CFDP1: variants seen among roughly 807,000 people sequenced by gnomAD.
CFDP1 encodes heterochromatin-stabilizing protein CFDP1.
CFDP1 carries 31 observed loss-of-function variants against 40.1 expected under a neutral mutation model. That is an observed-to-expected ratio of 0.77 (90% CI 0.58 to 1.04). CFDP1 has a LOEUF of 1.04. Ranked by LOEUF, CFDP1 falls within the 50% of genes least tolerant of loss-of-function variation. The probability of loss-of-function intolerance (pLI) is 0.00; values close to 1 mark genes in which losing one functional copy is unlikely to be tolerated. For missense variants in CFDP1, 423 were observed against 343.4 expected (o/e 1.23, Z -1.83); for synonymous variants, 167 against 120.0 (o/e 1.39, Z -2.56).
chr16:75,304,074 CTCTT>C (rs1469114920), intron 6 of CFDP1, among the ~76,000 whole-genome samples: 2 of 150,954 alleles, frequency 1.3e-5, no homozygotes, highest in East Asian at 3.9e-4. Context: ...CTCTCTCTCT[CTCTT>C]TCTTTCTTGA....
intron 5 of CFDP1, among the ~76,000 whole-genome samples, chr16:75,388,830 A>G (rs2078922199): frequency 6.6e-6 from 1 of 152,060 alleles, no homozygotes; most frequent in South Asian, 2.1e-4. Flanking sequence ...TCAGGATGGT[A>G]CTGTGAGGGA....
chr16:75,392,468 T>G (rs927606579), intron 5 of CFDP1, among the ~76,000 whole-genome samples: 1 of 152,116 alleles, frequency 6.6e-6, no homozygotes, highest in African/African-American at 2.4e-5. Context: ...AGCATATAAG[T>G]AACTGAAATA....
chr16:75,386,943 C>A (rs936235270), intron 5 of CFDP1, among the ~76,000 whole-genome samples: 1 of 152,210 alleles, frequency 6.6e-6, no homozygotes, highest in Non-Finnish European at 1.5e-5. Flanking sequence ...ATTGAAAATA[C>A]TCCAAATATT....
At chr16:75,431,100 T>C (rs1284977699) in intron 1 of CFDP1, among the ~76,000 whole-genome samples, 1 of 151,928 alleles carries the variant, frequency 6.6e-6, no homozygotes, top group Non-Finnish European at 1.5e-5. Context: ...GGAAAAGTAA[T>C]CTGTATAACA....
intron 6 of CFDP1, among the ~76,000 whole-genome samples, chr16:75,301,214 G>C (rs1231560974): frequency 6.6e-6 from 1 of 152,116 alleles, no homozygotes; most frequent in African/African-American, 2.4e-5. Context: ...ATATTAAAAT[G>C]TGTCTACTTT....
intron 6 of CFDP1, among the ~76,000 whole-genome samples, chr16:75,298,692 T>C (rs1165807310): frequency 6.6e-6 from 1 of 152,100 alleles, no homozygotes; most frequent in East Asian, 1.9e-4. Flanking sequence ...GTTTGCCCAA[T>C]AGTACACCTC....
rs1429995313 is a variant in CFDP1 at position 75,404,840 on chromosome 16, G to C, written c.530+6985C>G. Among the ~76,000 whole-genome samples, 4 of 152,148 alleles carry C rather than the reference G, an allele frequency of 2.6e-5. No homozygotes were observed. The East Asian group carries it at 7.7e-4, about 29-fold the overall frequency. ...AAGACCAATTATGGTTTTCATCTTA[G>C]ATTGGATCTTAGAGGTGGCTCCATA... On this transcript the variant is annotated intron_variant, in intron 4 of 6. Transcript: ENST00000283882.
At chr16:75,413,478 A>G (rs566756074) in intron 2 of CFDP1, among the ~76,000 whole-genome samples, 14 of 148,358 alleles carry the variant, frequency 9.4e-5, no homozygotes, top group Admixed American at 2.8e-4. Flanking sequence ...AACTGAACCC[A>G]GGAGGCGGAG....
At chr16:75,359,717 G>A (rs1445971830) in intron 5 of CFDP1, among the ~76,000 whole-genome samples, 4 of 152,118 alleles carry the variant, frequency 2.6e-5, no homozygotes, top group Non-Finnish European at 4.4e-5. Context: ...ACAACCCTAA[G>A]CAAATTTGGA....
At chr16:75,364,417 A>C (rs2078700156) in intron 5 of CFDP1, among the ~76,000 whole-genome samples, 1 of 152,004 alleles carries the variant, frequency 6.6e-6, no homozygotes, top group African/African-American at 2.4e-5. Context: ...GACCCCAGAG[A>C]GATGGGAGAT....
intron 5 of CFDP1, among the ~76,000 whole-genome samples, chr16:75,335,938 C>T (rs16960716): frequency 0.017 from 2,645 of 152,148 alleles, 72 homozygotes; most frequent in African/African-American, 0.06. Context: ...GATATAGTAG[C>T]GGTTCGACCT....
intron 5 of CFDP1, among the ~76,000 whole-genome samples, chr16:75,313,554 G>C (rs1410883645): frequency 6.6e-6 from 1 of 152,092 alleles, no homozygotes; most frequent in Non-Finnish European, 1.5e-5. Context: ...GTCGCCATGA[G>C]GCCTGGCCTC....
chr16:75,334,209 C>CTAACCT (rs1235047755), intron 5 of CFDP1, among the ~76,000 whole-genome samples: 2 of 151,708 alleles, frequency 1.3e-5, no homozygotes, highest in Non-Finnish European at 2.9e-5. Context: ...CACCCTAACC[C>CTAACCT]TAACCCTAAC....
In CFDP1 at chr16:75,385,073, T is replaced by C. The variant is rs185090092; in HGVS notation, c.650+10017A>G. ...ATAGGTATTGCAGGTACAGAGTAAATAGATTAGAAATTGAATAAGGAAAAT... is the reference window on the plus strand; with the variant it reads ...ATAGGTATTGCAGGTACAGAGTAAACAGATTAGAAATTGAATAAGGAAAAT... On this transcript the variant is annotated intron_variant, in intron 5 of 6. Coordinates refer to ENST00000283882, the MANE Select transcript of CFDP1 (RefSeq NM_006324.3). 2.9e-3 allele frequency among the ~76,000 whole-genome samples: 436 copies of C among 151,702 alleles called. 6 individuals carry two copies. The highest frequency in any genetic ancestry group is 0.025 in the Admixed American group (375 of 15,208).
intron 4 of CFDP1, among the ~76,000 whole-genome samples, chr16:75,407,722 T>C (rs938526008): frequency 6.6e-6 from 1 of 152,070 alleles, no homozygotes; most frequent in East Asian, 1.9e-4. Flanking sequence ...GAATTCCTTT[T>C]TCCTTTCACT....
chr16:75,432,256 C>A (rs113622883), intron 1 of CFDP1, among the ~76,000 whole-genome samples: 1 of 147,848 alleles, frequency 6.8e-6, no homozygotes, highest in African/African-American at 2.5e-5. Context: ...CTTCACTAGC[C>A]GGGGCGCGGT....
At chr16:75,334,423 G>A (rs905639946) in intron 5 of CFDP1, among the ~76,000 whole-genome samples, 2 of 150,606 alleles carry the variant, frequency 1.3e-5, no homozygotes, top group African/African-American at 4.9e-5. Context: ...GAGAACATCT[G>A]CACTTTCCTG....
At chr16:75,301,233 A>G (rs1402884087) in intron 6 of CFDP1, among the ~76,000 whole-genome samples, 1 of 152,204 alleles carries the variant, frequency 6.6e-6, no homozygotes, top group Non-Finnish European at 1.5e-5. Context: ...TTATATATGA[A>G]GAAAATGGGG....
chr16:75,382,364 C>T (rs2078859785), intron 5 of CFDP1, among the ~76,000 whole-genome samples: 1 of 152,210 alleles, frequency 6.6e-6, no homozygotes, highest in African/African-American at 2.4e-5. Context: ...AGAAGTTCTA[C>T]TTCAAAGGGT....
Sources: allele counts gnomAD v4.1 joint callset (sites outside exome capture counted in the v4.1 genomes callset), GRCh38; gene constraint gnomAD v4.1.1; transcripts MANE v1.5; gene names NCBI Gene and HGNC (gene_info 2026-07-23, HGNC 2026-07-21).